BANP: variants seen among roughly 807,000 people sequenced by gnomAD.
BANP encodes the protein protein BANP.
BANP carries 11 observed loss-of-function variants against 68.1 expected under a neutral mutation model. The ratio of observed to expected loss-of-function variants is 0.16; its 90% CI spans 0.10 to 0.27. BANP has a LOEUF of 0.27. BANP is among the 10% of genes least tolerant of loss of function. BANP has a pLI of 1.00. For missense variants in BANP, 504 were observed against 722.7 expected (o/e 0.70, Z 3.47); for synonymous variants, 329 against 303.2 (o/e 1.09, Z -0.88).
chr16:88,046,435 C>G (rs2082041842), intron 11 of BANP, among the ~76,000 whole-genome samples: 1 of 152,242 alleles, frequency 6.6e-6, no homozygotes, highest in Non-Finnish European at 1.5e-5. Flanking sequence ...TAAAGAAATA[C>G]TCAGCATAAC....
Position 88,043,208 on chromosome 16 carries a change from G to A in BANP, c.1311+5197G>A, listed in dbSNP as rs534249466. 3.3e-3 allele frequency among the ~76,000 whole-genome samples: 495 copies of A among 152,306 alleles called. 2 individuals carry two copies. The highest frequency in any genetic ancestry group is 3.6e-3 in the Non-Finnish European group (244 of 68,022). ...CCAGGGAAGCCAAACAGCCACTGCT[G>A]TTGGAGTTGAAATTAAAATGCAGTG... On this transcript the variant is annotated intron_variant, in intron 11 of 13. Transcript: ENST00000682872.
At chr16:87,978,319 G>C (rs1232441165) in intron 2 of BANP, 2 of 232,652 alleles carry the variant, frequency 8.6e-6, no homozygotes, top group African/African-American at 4.5e-5. Flanking sequence ...CTCTTCTGCT[G>C]TTATGACGAA....
chr16:87,978,571 G>C, intron 2 of BANP: 2 of 468,736 alleles, frequency 4.3e-6, no homozygotes, highest in South Asian at 1.6e-5. Flanking sequence ...ATCTGCAAAG[G>C]CTTAGGTGGA....
chr16:88,029,031 G>T (rs2077552915), intron 8 of BANP, among the ~76,000 whole-genome samples: 1 of 152,232 alleles, frequency 6.6e-6, no homozygotes, highest in Non-Finnish European at 1.5e-5. Flanking sequence ...GGGAGCCCAG[G>T]CGTGGTGGCT....
intron 1 of BANP, among the ~76,000 whole-genome samples, chr16:87,960,505 C>T (rs1366200527): frequency 6.6e-6 from 1 of 152,144 alleles, no homozygotes; most frequent in Non-Finnish European, 1.5e-5. Context: ...TATTTTGGAA[C>T]ATTTTGAGAT....
rs773777017 is a variant in BANP, at chr16:88,072,063, C to T, written c.1378-6C>T. The T allele has an allele frequency of 1.9e-5, 30 of 1,567,894 alleles. No individual in the cohort carries two copies. In the South Asian group the frequency reaches 3.1e-4, roughly 16 times the overall value. ...CGCTGACGGGCCCCCGTGTGTCTCCCTCCAGGTGCTGCAGGGTGCACAGCT... is the reference window on the plus strand; with the variant it reads ...CGCTGACGGGCCCCCGTGTGTCTCCTTCCAGGTGCTGCAGGGTGCACAGCT... On this transcript the variant is annotated splice_polypyrimidine_tract_variant and splice_region_variant and intron_variant, in intron 12 of 13. Coordinates refer to ENST00000682872, the MANE Select transcript of BANP (RefSeq NM_001386991.1).
At chr16:88,015,876 G>C (rs1209541221) in intron 6 of BANP, among the ~76,000 whole-genome samples, 1 of 152,270 alleles carries the variant, frequency 6.6e-6, no homozygotes, top group African/African-American at 2.4e-5. Context: ...ACATTGAGCA[G>C]CATCTGTGTG....
chr16:87,990,456 G>A (rs947527939), intron 4 of BANP, among the ~76,000 whole-genome samples: 5 of 152,144 alleles, frequency 3.3e-5, no homozygotes, highest in African/African-American at 7.2e-5. Context: ...GCTAGGCCTC[G>A]TTCTGAGCAT....
chr16:88,054,248 C>A (rs1054923441), intron 11 of BANP, among the ~76,000 whole-genome samples: 1 of 109,660 alleles, frequency 9.1e-6, no homozygotes, highest in African/African-American at 3.0e-5. Flanking sequence ...ATCACCAACA[C>A]AGTCACCTTC....
chr16:88,017,767 G>A (rs958144825), intron 6 of BANP, among the ~76,000 whole-genome samples: 1 of 152,224 alleles, frequency 6.6e-6, no homozygotes, highest in African/African-American at 2.4e-5. Flanking sequence ...GTGGAGTGTG[G>A]GCCTGTCCAC....
chr16:87,959,697 G>C (rs1442282490), intron 1 of BANP, among the ~76,000 whole-genome samples: 1 of 152,310 alleles, frequency 6.6e-6, no homozygotes, highest in Admixed American at 6.5e-5. Flanking sequence ...GTGTGTGGCA[G>C]AGGGGCGATG....
chr16:87,985,272 C>T (rs992018916), intron 4 of BANP, among the ~76,000 whole-genome samples: 7 of 152,198 alleles, frequency 4.6e-5, no homozygotes, highest in Admixed American at 2.6e-4. Flanking sequence ...AAACGCTACC[C>T]GGCCGTCTTC....
At chr16:87,962,331 A>G (rs2145043115) in intron 1 of BANP, among the ~76,000 whole-genome samples, 1 of 152,254 alleles carries the variant, frequency 6.6e-6, no homozygotes, top group South Asian at 2.1e-4. Flanking sequence ...AAAACGGAGT[A>G]AGACAGCGTT....
chr16:88,004,214 T>G lies in BANP; in HGVS notation c.363-81T>G. 1 of 879,786 alleles carries G rather than the reference T, an allele frequency of 1.1e-6. No individual in the cohort carries two copies. Among genetic ancestry groups the G allele is most frequent in the Non-Finnish European group, 1.8e-6 (1 of 543,806 alleles). 54.5% of individuals were successfully genotyped at this position (879,786 alleles called of 1,614,324 possible). On this transcript the variant is annotated intron_variant, in intron 4 of 13. Coordinates refer to ENST00000682872, the MANE Select transcript of BANP (RefSeq NM_001386991.1). This position sits in a 1 kb window ranked among gnomAD's most constrained non-coding sequence, Gnocchi z 7.0. ...TGCGGGTCCCTGGGAGTGGACTGTG[T>G]TGAATGACTCTTATGTGCTCTTACC...
chr16:88,062,372 T>C (rs1013878932), intron 11 of BANP, among the ~76,000 whole-genome samples: 1 of 152,238 alleles, frequency 6.6e-6, no homozygotes, highest in Admixed American at 6.5e-5. Context: ...TCTCAGTAGA[T>C]AGAGGAAACC....
chr16:88,037,124 T>C (rs1265475346), intron 10 of BANP: 3 of 152,182 alleles, frequency 2.0e-5, no homozygotes, highest in African/African-American at 7.2e-5. Flanking sequence ...CTTAGAGTCA[T>C]TGAAAATGCA....
intron 11 of BANP, among the ~76,000 whole-genome samples, chr16:88,049,010 G>A (rs1159491533): frequency 6.6e-6 from 1 of 152,132 alleles, no homozygotes; most frequent in East Asian, 1.9e-4. Flanking sequence ...CTCTCACACC[G>A]TGACCATCAT....
intron 11 of BANP, among the ~76,000 whole-genome samples, chr16:88,050,656 T>C (rs1404742490): frequency 6.6e-6 from 1 of 152,132 alleles, no homozygotes; most frequent in Non-Finnish European, 1.5e-5. Context: ...ATCATTTGGA[T>C]AAGTGTGAGG....
At chr16:87,980,740 A>T in intron 2 of BANP, 1 of 303,600 alleles carries the variant, frequency 3.3e-6, no homozygotes. Flanking sequence ...GGTTTTCTCA[A>T]ACCAAACAGG....
Sources: gnomAD v4.1 joint callset for allele counts (sites outside exome capture counted in the v4.1 genomes callset) on GRCh38, gnomAD v4.1.1 for gene constraint, Gnocchi (gnomAD v3.1) non-coding constraint, MANE v1.5 for transcripts, NCBI Gene and HGNC (gene_info 2026-07-23, HGNC 2026-07-21) for gene names.